Variants in DPH3 observed in about 807,000 individuals in gnomAD.
The protein encoded by DPH3 is diphthamide biosynthesis 3, also known as diphthamide biosynthesis protein 3.
In DPH3, 8 loss-of-function variants were observed where a neutral mutation model predicts 10.2. That is an observed-to-expected ratio of 0.79 (90% CI 0.46 to 1.42). The LOEUF (loss-of-function observed/expected upper bound fraction) is 1.42, where lower values mean the gene tolerates loss of function less well. Ranked by LOEUF, DPH3 falls within the 40% of genes most tolerant of loss-of-function variation. DPH3 has a pLI of 0.00. For missense variants in DPH3, 96 were observed against 98.9 expected (o/e 0.97, Z 0.12); for synonymous variants, 35 against 35.6 (o/e 0.98, Z 0.06).
At position 16,264,870 on chromosome 3, in the gene DPH3, C is replaced by T; in HGVS notation, c.7G>A (p.Val3Met). 6.2e-7 allele frequency: 1 copy of T among 1,614,238 alleles called. No homozygotes were observed. Among genetic ancestry groups the T allele is most frequent in the East Asian group, 2.2e-5 (1 of 44,882 alleles). Reference sequence around the variant, plus strand: ...TCGATTTCCACCTCGTCATGAAACACTGCCATGGTCAGCGGGGGTGGCCGA... The same window carrying T: ...TCGATTTCCACCTCGTCATGAAACATTGCCATGGTCAGCGGGGGTGGCCGA... MA[V>M]FHDEVEIEDF... The change falls in exon 1 of 3, where the codon GTG (valine) becomes ATG (methionine). Residue 3 changes from valine (V) to methionine (M), a missense_variant. Physicochemically the swap from Val to Met is conservative, Grantham distance 21 (BLOSUM62 1). Coordinates refer to ENST00000488423, the MANE Select transcript of DPH3 (RefSeq NM_206831.3).
At chr3:16,264,524 T>G in intron 1 of DPH3, 1 of 576,772 alleles carries the variant, frequency 1.7e-6, no homozygotes, top group Non-Finnish European at 3.1e-6. Flanking sequence ...AAGGCAGGGA[T>G]CGGGCAGAGA....
In DPH3 at chr3:16,257,743, C is replaced by T. The variant is rs113334512; in HGVS notation, c.*3021G>A. On this transcript the variant is annotated 3_prime_UTR_variant, in exon 3 of 3. Transcript: ENST00000488423. ...CCTTGTAATAAACTGAGTTACTCATCTAAGAATGTCAACTTTGTCTTACTA... is the reference window on the plus strand; with the variant it reads ...CCTTGTAATAAACTGAGTTACTCATTTAAGAATGTCAACTTTGTCTTACTA... Among the ~76,000 whole-genome samples the T allele has an allele frequency of 2.0e-5, 3 of 152,322 alleles. No individual in the cohort carries two copies. Among genetic ancestry groups the T allele is most frequent in the African/African-American group, 7.2e-5 (3 of 41,576 alleles).
chr3:16,264,910 A>G lies in DPH3; in HGVS notation c.-34T>C, dbSNP rs1276776131. On this transcript the variant is annotated 5_prime_UTR_variant, in exon 1 of 3. Transcript: ENST00000488423. ...GGGGTGGCCGAAGGGGTAACGCCCC[A>G]GCAGTCCGAGGCCAGCTCCGAGGGT... 6.8e-6 allele frequency: 11 copies of G among 1,610,694 alleles called. No individual in the cohort carries two copies. In the Admixed American group the frequency reaches 1.0e-4, roughly 15 times the overall value.
In DPH3 at chr3:16,260,055, A is replaced by C. The variant is rs1007250827; in HGVS notation, c.*709T>G. On this transcript the variant is annotated 3_prime_UTR_variant, in exon 3 of 3. Coordinates refer to ENST00000488423, the MANE Select transcript of DPH3 (RefSeq NM_206831.3). ...TCTTTTCATCTTGTCCTGACTTCCAAGGAATATGCAGAATATAAGAAAAGT... is the reference window on the plus strand; with the variant it reads ...TCTTTTCATCTTGTCCTGACTTCCACGGAATATGCAGAATATAAGAAAAGT... 3.3e-5 allele frequency: 5 copies of C among 152,226 alleles called. No individual in the cohort carries two copies. Among genetic ancestry groups the C allele is most frequent in the African/African-American group, 9.6e-5 (4 of 41,460 alleles). 9.4% of individuals were successfully genotyped at this position (152,226 alleles called of 1,614,324 possible).
Position 16,264,922 on chromosome 3 carries a change from C to G in DPH3, c.-46G>C. Reference sequence around the variant, plus strand: ...GGGGTAACGCCCCAGCAGTCCGAGGCCAGCTCCGAGGGTTTAACTTCGCCG... The same window carrying G: ...GGGGTAACGCCCCAGCAGTCCGAGGGCAGCTCCGAGGGTTTAACTTCGCCG... On this transcript the variant is annotated 5_prime_UTR_variant, in exon 1 of 3. Coordinates refer to ENST00000488423, the MANE Select transcript of DPH3 (RefSeq NM_206831.3). The G allele has an allele frequency of 6.2e-7, 1 of 1,604,466 alleles. No homozygotes were observed. Among genetic ancestry groups the G allele is most frequent in the Non-Finnish European group, 8.5e-7 (1 of 1,172,684 alleles).
At position 16,262,978 on chromosome 3, in the gene DPH3, C is replaced by A. The variant is rs1374279679; in HGVS notation, c.183+1177G>T. The stretch of plus-strand genomic sequence containing the variant: ...CCTTCTTTAATTAGTGTAATAGCCT[C>A]CTATTACACTGGTTTTCCTGTTTCT... On this transcript the variant is annotated intron_variant, in intron 2 of 2. Coordinates refer to ENST00000488423, the MANE Select transcript of DPH3 (RefSeq NM_206831.3). The surrounding 1 kb of genome is among the most constrained non-coding windows in gnomAD (Gnocchi z 4.7). 1.3e-5 allele frequency among the ~76,000 whole-genome samples: 2 copies of A among 152,152 alleles called. No homozygotes were observed. Among genetic ancestry groups the A allele is most frequent in the African/African-American group, 4.8e-5 (2 of 41,422 alleles).
rs559629875 is a variant in DPH3 at position 16,259,140 on chromosome 3, T to C, written c.*1624A>G. ...TTTTGCTTTGCAGCTGATGCCACCA[T>C]AGTGAGTGAGTACTCTGCTCTGTTC... On this transcript the variant is annotated 3_prime_UTR_variant, in exon 3 of 3. Coordinates refer to ENST00000488423, the MANE Select transcript of DPH3 (RefSeq NM_206831.3). The C allele has an allele frequency of 1.1e-4, 17 of 152,334 alleles. No homozygotes were observed. Among genetic ancestry groups the C allele is most frequent in the African/African-American group, 4.1e-4 (17 of 41,578 alleles). The allele number at this position is 152,334 out of a possible 1,614,324, so 9.4% of individuals were successfully genotyped here.
At position 16,264,918 on chromosome 3, in the gene DPH3, G is replaced by A. The variant is rs781442592; in HGVS notation, c.-42C>T. On this transcript the variant is annotated 5_prime_UTR_variant, in exon 1 of 3. Coordinates refer to ENST00000488423, the MANE Select transcript of DPH3 (RefSeq NM_206831.3). Reference sequence around the variant, plus strand: ...CGAAGGGGTAACGCCCCAGCAGTCCGAGGCCAGCTCCGAGGGTTTAACTTC... The same window carrying A: ...CGAAGGGGTAACGCCCCAGCAGTCCAAGGCCAGCTCCGAGGGTTTAACTTC... 3 of 1,607,254 alleles carry A rather than the reference G, an allele frequency of 1.9e-6. No homozygotes were observed. Among genetic ancestry groups the A allele is most frequent in the Admixed American group, 1.7e-5 (1 of 59,706 alleles).
At position 16,259,314 on chromosome 3, in the gene DPH3, T is replaced by C. The variant is rs2064276567; in HGVS notation, c.*1450A>G. 6.6e-6 allele frequency: 1 copy of C among 152,262 alleles called. No individual in the cohort carries two copies. The highest frequency in any genetic ancestry group is 2.1e-4 in the South Asian group (1 of 4,834). The allele number at this position is 152,262 out of a possible 1,614,324, so 9.4% of individuals were successfully genotyped here. On this transcript the variant is annotated 3_prime_UTR_variant, in exon 3 of 3. Transcript: ENST00000488423. ...CAGCTCGGTACATTATAATTTTTGG[T>C]AATTTATTGTCTCAGCCTAGTGGCT...
Position 16,264,223 on chromosome 3 carries a change from A to T in DPH3, c.115T>A (p.Leu39Met), listed in dbSNP as rs1312141987. 6.2e-7 allele frequency: 1 copy of T among 1,603,404 alleles called. No homozygotes were observed. The highest frequency in any genetic ancestry group is 1.3e-5 in the African/African-American group (1 of 74,576). ...GDNFSITKEDLENGEDVATCP... is the reference protein window; with the variant it reads ...GDNFSITKEDMENGEDVATCP... Reference sequence around the variant, plus strand: ...GTTGCCACGTCTTCCCCATTCTCCAAATCTTCCTACAACGAAATCAAATAC... The same window carrying T: ...GTTGCCACGTCTTCCCCATTCTCCATATCTTCCTACAACGAAATCAAATAC... Residue 39 changes from leucine to methionine, a missense_variant, in exon 2 of 3, where the codon TTG becomes ATG. By Grantham distance (15) the Leu-to-Met change is conservative (BLOSUM62 2). Coordinates refer to ENST00000488423, the MANE Select transcript of DPH3 (RefSeq NM_206831.3).
At position 16,261,587 on chromosome 3, in the gene DPH3, T is replaced by C. The variant is rs982028137; in HGVS notation, c.184-758A>G. ...GAATTGAAACAACTGAGGATTGCTA[T>C]TGGCATCTAGTAGGTAGAGGCCAGG... On this transcript the variant is annotated intron_variant, in intron 2 of 2. Coordinates refer to ENST00000488423, the MANE Select transcript of DPH3 (RefSeq NM_206831.3). The surrounding 1 kb of genome is among the most constrained non-coding windows in gnomAD (Gnocchi z 7.1). Among the ~76,000 whole-genome samples the C allele has an allele frequency of 6.6e-6, 1 of 152,250 alleles. No individual in the cohort carries two copies.
Position 16,259,805 on chromosome 3 carries a change from A to C in DPH3, c.*959T>G, listed in dbSNP as rs1465076603. The stretch of plus-strand genomic sequence containing the variant: ...AGATGCTTTACCTTGTAGTAGTGAC[A>C]CAACACTGTGATATGCCAAAAGCAC... On this transcript the variant is annotated 3_prime_UTR_variant, in exon 3 of 3. Transcript: ENST00000488423. 2 of 152,226 alleles carry C rather than the reference A, an allele frequency of 1.3e-5. No individual in the cohort carries two copies. Among genetic ancestry groups the C allele is most frequent in the African/African-American group, 2.4e-5 (1 of 41,454 alleles). 9.4% of individuals were successfully genotyped at this position (152,226 alleles called of 1,614,324 possible).
At position 16,257,108 on chromosome 3, in the gene DPH3, G is replaced by T. The variant is rs564193252; in HGVS notation, c.*3656C>A. Among the ~76,000 whole-genome samples the T allele has an allele frequency of 6.6e-6, 1 of 152,310 alleles. No homozygotes were observed. Among genetic ancestry groups the T allele is most frequent in the Admixed American group, 6.5e-5 (1 of 15,298 alleles). ...TTCTTGATAAATTATCCAGTCTCAG[G>T]TATTGTTACAGCAGCAGAACATGGA... On this transcript the variant is annotated 3_prime_UTR_variant, in exon 3 of 3. Coordinates refer to ENST00000488423, the MANE Select transcript of DPH3 (RefSeq NM_206831.3).
Position 16,263,662 on chromosome 3 carries a change from A to G in DPH3, c.183+493T>C, listed in dbSNP as rs1418391716. On this transcript the variant is annotated intron_variant, in intron 2 of 2. Transcript: ENST00000488423. This position sits in a 1 kb window ranked among gnomAD's most constrained non-coding sequence, Gnocchi z 4.0. ...GGCAGTAATAACATTTTTTTTTTCT[A>G]TTGTCAACATCCTTGGGTGAAAGAT... 6.6e-6 allele frequency among the ~76,000 whole-genome samples: 1 copy of G among 151,404 alleles called. No homozygotes were observed. Among genetic ancestry groups the G allele is most frequent in the Non-Finnish European group, 1.5e-5 (1 of 67,844 alleles).
intron 1 of DPH3, 89 bp from the exon 2 acceptor site, chr3:16,264,318 C>T (rs1394814960): frequency 3.8e-6 from 4 of 1,041,714 alleles, no homozygotes; most frequent in Admixed American, 2.6e-5. Context: ...ATGCAAGTCT[C>T]TTGGTGGCTT....
rs2064268768 is a variant in DPH3 at position 16,258,464 on chromosome 3, T to C, written c.*2300A>G. 1.3e-5 allele frequency: 2 copies of C among 152,224 alleles called. No individual in the cohort carries two copies. Among genetic ancestry groups the C allele is most frequent in the Admixed American group, 6.5e-5 (1 of 15,282 alleles). The allele number at this position is 152,224 out of a possible 1,614,324, so 9.4% of individuals were successfully genotyped here. A position where few individuals can be genotyped will look rare whatever the true frequency, so the allele number is the denominator to read the frequency against. On this transcript the variant is annotated 3_prime_UTR_variant, in exon 3 of 3. Coordinates refer to ENST00000488423, the MANE Select transcript of DPH3 (RefSeq NM_206831.3). ...CGTATCACACAGAACTTTAGTCGTATCTCAGAGTCCAGTTTTACTCTGCTT... is the reference window on the plus strand; with the variant it reads ...CGTATCACACAGAACTTTAGTCGTACCTCAGAGTCCAGTTTTACTCTGCTT...
chr3:16,258,976 A>G lies in DPH3; in HGVS notation c.*1788T>C, dbSNP rs1190503921. ...TTTCCTGGGATGTGTGAACCTGGCAACTTTTCTTCCTGTTCTTCTATGTTC... is the reference window on the plus strand; with the variant it reads ...TTTCCTGGGATGTGTGAACCTGGCAGCTTTTCTTCCTGTTCTTCTATGTTC... On this transcript the variant is annotated 3_prime_UTR_variant, in exon 3 of 3. Coordinates refer to ENST00000488423, the MANE Select transcript of DPH3 (RefSeq NM_206831.3). 6.6e-6 allele frequency: 1 copy of G among 152,174 alleles called. No homozygotes were observed. Among genetic ancestry groups the G allele is most frequent in the African/African-American group, 2.4e-5 (1 of 41,428 alleles). The allele number at this position is 152,174 out of a possible 1,614,324, so 9.4% of individuals were successfully genotyped here.
In DPH3 at chr3:16,264,498, C is replaced by G. The variant is rs949678017; in HGVS notation, c.109-269G>C. 4 of 560,522 alleles carry G rather than the reference C, an allele frequency of 7.1e-6. No individual in the cohort carries two copies. The Admixed American group carries it at 1.3e-4, about 18-fold the overall frequency. 34.7% of individuals were successfully genotyped at this position (560,522 alleles called of 1,614,324 possible). On this transcript the variant is annotated intron_variant, in intron 1 of 2. Transcript: ENST00000488423. ...CGAGTCCCCTCCTCGACAGAAATAT[C>G]CCAGGTTGGGACCCTAAGGCAGGGA...
chr3:16,264,055 A>G, intron 2 of DPH3, 100 bp downstream of exon 2: 1 of 675,700 alleles, frequency 1.5e-6, no homozygotes, highest in African/African-American at 1.8e-5. Context: ...TTTACCTAGC[A>G]CAATGAAACA....
Sources: gnomAD v4.1 joint callset for allele counts (sites outside exome capture counted in the v4.1 genomes callset) on GRCh38, gnomAD v4.1.1 for gene constraint, Gnocchi (gnomAD v3.1) non-coding constraint, MANE v1.5 for transcripts, NCBI Gene and HGNC (gene_info 2026-07-23, HGNC 2026-07-21) for gene names.